Variants in RXFP2 observed in about 807,000 individuals in gnomAD.
RXFP2 encodes relaxin family peptide receptor 2.
RXFP2 carries 68 observed loss-of-function variants against 88.6 expected under a neutral mutation model. The ratio of observed to expected loss-of-function variants is 0.77; its 90% CI spans 0.63 to 0.94. RXFP2 has a LOEUF of 0.94. Ranked by LOEUF, RXFP2 falls within the 40% of genes least tolerant of loss-of-function variation. The pLI is 0.00. For synonymous variants in RXFP2, 329 were observed against 306.8 expected (o/e 1.07, Z -0.76); for missense variants, 791 against 893.9 (o/e 0.88, Z 1.47).
At chr13:31,780,383 C>T (rs1467654698) in intron 9 of RXFP2, among the ~76,000 whole-genome samples, 4 of 146,162 alleles carry the variant, frequency 2.7e-5, no homozygotes, top group South Asian at 4.5e-4. Flanking sequence ...TGTCCTTCTT[C>T]GGAGAACATG....
chr13:31,775,181 C>T, intron 6 of RXFP2, 137 bp from the exon 7 acceptor site: 3 of 748,270 alleles, frequency 4.0e-6, no homozygotes, highest in African/African-American at 1.7e-5. Flanking sequence ...GAATTTGCCC[C>T]CTCTGCTCAT....
intron 5 of RXFP2, among the ~76,000 whole-genome samples, chr13:31,772,104 G>A (rs9646108): frequency 0.14 from 22,059 of 152,192 alleles, 1,582 homozygotes; most frequent in Middle Eastern, 0.19. Context: ...GGGGGTGGAT[G>A]CAGTTTCAAA....
chr13:31,795,798 G>A (rs1874005098), intron 16 of RXFP2, among the ~76,000 whole-genome samples: 1 of 152,040 alleles, frequency 6.6e-6, no homozygotes, highest in Non-Finnish European at 1.5e-5. Context: ...CAGGATTTTA[G>A]CGACAGCAAG....
At chr13:31,765,652 C>T (rs1197415982) in intron 4 of RXFP2, among the ~76,000 whole-genome samples, 2 of 152,026 alleles carry the variant, frequency 1.3e-5, no homozygotes, top group Non-Finnish European at 2.9e-5. Context: ...GGATCTTTGG[C>T]TGGTTTTTGG....
At chr13:31,769,336 A>G (rs1413536509) in intron 5 of RXFP2, among the ~76,000 whole-genome samples, 1 of 151,898 alleles carries the variant, frequency 6.6e-6, no homozygotes, top group Non-Finnish European at 1.5e-5. Flanking sequence ...TCCTAAATTT[A>G]CCCCCAAGAG....
At chr13:31,780,278 AAGAAAGGCC>A (rs1873205497) in intron 9 of RXFP2, among the ~76,000 whole-genome samples, 1 of 152,210 alleles carries the variant, frequency 6.6e-6, no homozygotes, top group South Asian at 2.1e-4. Context: ...GCCAGACAGG[AAGAAAGGCC>A]AGACAGGAGA....
Position 31,758,401 on chromosome 13 carries a change from T to C in RXFP2, c.238T>C (p.Cys80Arg). Reference sequence around the variant, plus strand: ...TGGGAACGGGGCGGACGAAGAGAACTGTGGTGAGTGCTCCCCTCGGCTCCC... The same window carrying C: ...TGGGAACGGGGCGGACGAAGAGAACCGTGGTGAGTGCTCCCCTCGGCTCCC... ...DCGNGADEEN[C>R]GDTSGWATIF... The change falls in exon 2 of 18, where the codon TGT (cysteine) becomes CGT (arginine). Residue 80 changes from cysteine to arginine, a missense_variant. By Grantham distance (180) the Cys-to-Arg change is radical. Coordinates refer to ENST00000298386, the MANE Select transcript of RXFP2 (RefSeq NM_130806.5). 1 of 1,614,100 alleles carries C rather than the reference T, an allele frequency of 6.2e-7. No individual in the cohort carries two copies. The highest frequency in any genetic ancestry group is 1.7e-4 in the Middle Eastern group (1 of 6,058).
chr13:31,793,223 G>T (rs1873879936), intron 16 of RXFP2, 135 bp downstream of exon 16: 1 of 780,930 alleles, frequency 1.3e-6, no homozygotes. Flanking sequence ...ACACAAAAAA[G>T]TTTTTACTAT....
chr13:31,771,262 C>A (rs926158650), intron 5 of RXFP2, among the ~76,000 whole-genome samples: 3 of 152,138 alleles, frequency 2.0e-5, no homozygotes, highest in Non-Finnish European at 4.4e-5. Flanking sequence ...AGAGCGGTAC[C>A]AGTCTGTGGC....
intron 1 of RXFP2, among the ~76,000 whole-genome samples, chr13:31,751,339 A>G (rs1276999573): frequency 3.9e-5 from 6 of 152,154 alleles, no homozygotes. Flanking sequence ...TAGGAAAGAA[A>G]GGAAACAATG....
At position 31,802,603 on chromosome 13, in the gene RXFP2, T is replaced by C. The variant is rs1874409819; in HGVS notation, c.*198T>C. On this transcript the variant is annotated 3_prime_UTR_variant, in exon 18 of 18. Transcript: ENST00000298386. ...ACCATGCTGAGGACAGCACCAAAGG[T>C]TCCTCTCCTCACCCCACATGCCTGA... The C allele has an allele frequency of 3.2e-6, 2 of 629,350 alleles. No homozygotes were observed. Among genetic ancestry groups the C allele is most frequent in the Non-Finnish European group, 5.6e-6 (2 of 355,734 alleles). The allele number at this position is 629,350 out of a possible 1,614,324, so 39.0% of individuals were successfully genotyped here.
intron 16 of RXFP2, among the ~76,000 whole-genome samples, chr13:31,795,811 TA>T (rs1386344396): frequency 2.6e-5 from 4 of 152,174 alleles, no homozygotes; most frequent in African/African-American, 9.6e-5. Flanking sequence ...ACAGCAAGAA[TA>T]AAGCAAAGAG....
In RXFP2 at chr13:31,758,253, T is replaced by C; in HGVS notation, c.95-5T>C. ...CACTTTGTTTTTGCCCCTTCTTTCA[T>C]GTAGATTTTGCACTGACTCAAGGTA... On this transcript the variant is annotated splice_polypyrimidine_tract_variant and splice_region_variant and intron_variant, in intron 1 of 17. Coordinates refer to ENST00000298386, the MANE Select transcript of RXFP2 (RefSeq NM_130806.5). 5 of 1,614,038 alleles carry C rather than the reference T, an allele frequency of 3.1e-6. No individual in the cohort carries two copies. Among genetic ancestry groups the C allele is most frequent in the Non-Finnish European group, 4.2e-6 (5 of 1,179,918 alleles).
At chr13:31,798,215 C>T (rs1326532569) in intron 17 of RXFP2, among the ~76,000 whole-genome samples, 4 of 152,148 alleles carry the variant, frequency 2.6e-5, no homozygotes, top group Admixed American at 6.5e-5. Flanking sequence ...AATGCACAGA[C>T]GATAAACAGC....
At position 31,802,453 on chromosome 13, in the gene RXFP2, G is replaced by A. The variant is rs776495719; in HGVS notation, c.*48G>A. On this transcript the variant is annotated 3_prime_UTR_variant, in exon 18 of 18. Coordinates refer to ENST00000298386, the MANE Select transcript of RXFP2 (RefSeq NM_130806.5). ...TTTCAGTGGACTACCTAAAACAGGG[G>A]ACAGCTTTTGGAAGATGACATCTGC... 11 of 1,593,454 alleles carry A rather than the reference G, an allele frequency of 6.9e-6. No homozygotes were observed. The East Asian group carries it at 2.5e-4, about 36-fold the overall frequency.
chr13:31,769,611 C>T (rs1169288454), intron 5 of RXFP2, among the ~76,000 whole-genome samples: 1 of 152,172 alleles, frequency 6.6e-6, no homozygotes, highest in East Asian at 1.9e-4. Flanking sequence ...TAGGGAAGAA[C>T]TCGCATCCCT....
At chr13:31,748,233 A>G (rs763237073) in intron 1 of RXFP2, among the ~76,000 whole-genome samples, 1 of 152,190 alleles carries the variant, frequency 6.6e-6, no homozygotes, top group African/African-American at 2.4e-5. Flanking sequence ...ATGAATTTCT[A>G]TGGGCATTTA....
intron 1 of RXFP2, among the ~76,000 whole-genome samples, chr13:31,753,414 A>G (rs1326330838): frequency 2.6e-5 from 4 of 152,238 alleles, no homozygotes; most frequent in Non-Finnish European, 4.4e-5. Context: ...GTGACTACTG[A>G]GCAATTCTCT....
intron 5 of RXFP2, among the ~76,000 whole-genome samples, chr13:31,771,372 T>C (rs1404285806): frequency 6.6e-6 from 1 of 152,200 alleles, no homozygotes; most frequent in Non-Finnish European, 1.5e-5. Flanking sequence ...CATTAGATTC[T>C]CACCGTAGTG....
Sources: gnomAD v4.1 joint callset for allele counts (sites outside exome capture counted in the v4.1 genomes callset) on GRCh38, gnomAD v4.1.1 for gene constraint, MANE v1.5 for transcripts, NCBI Gene and HGNC (gene_info 2026-07-23, HGNC 2026-07-21) for gene names.